The following ERBB2 variants were observed in gnomAD, a reference collection of about 807,000 sequenced individuals.
The protein encoded by ERBB2 is erb-b2 receptor tyrosine kinase 2.
ERBB2 carries 61 observed loss-of-function variants against 149.0 expected under a neutral mutation model. The ratio of observed to expected loss-of-function variants is 0.41; its 90% CI spans 0.33 to 0.51. The LOEUF (loss-of-function observed/expected upper bound fraction) is 0.51, where lower values mean the gene tolerates loss of function less well. Ranked by LOEUF, ERBB2 falls within the 20% of genes least tolerant of loss-of-function variation. The probability of loss-of-function intolerance (pLI) is 0.25; values close to 1 mark genes in which losing one functional copy is unlikely to be tolerated. For synonymous variants in ERBB2, 633 were observed against 678.8 expected, an observed-to-expected ratio of 0.93 and a Z score of 1.05; for missense variants, 1,205 against 1,655.1, an observed-to-expected ratio of 0.73 and a Z score of 4.72.
intron 7 of ERBB2, among the ~76,000 whole-genome samples, chr17:39,711,094 T>C (rs1208403440): frequency 6.6e-6 from 1 of 152,138 alleles, no homozygotes; most frequent in African/African-American, 2.4e-5. Context: ...GAGACAGGGT[T>C]TCACCACGTT....
chr17:39,708,786 A>ACATAC (rs2058617481), intron 3 of ERBB2, among the ~76,000 whole-genome samples: 1 of 152,184 alleles, frequency 6.6e-6, no homozygotes, highest in Admixed American at 6.5e-5. Context: ...TGGCTGAGTG[A>ACATAC]AGTGTACAGT....
chr17:39,706,722 C>T (rs1015189538), intron 1 of ERBB2: 7 of 341,438 alleles, frequency 2.1e-5, no homozygotes, highest in African/African-American at 1.5e-4. Flanking sequence ...GCGAGCTCCC[C>T]AGGGCTGGCA....
At chr17:39,711,571 C>G (rs2058799892) in intron 7 of ERBB2, among the ~76,000 whole-genome samples, 1 of 152,210 alleles carries the variant, frequency 6.6e-6, no homozygotes, top group African/African-American at 2.4e-5. Flanking sequence ...AACCTCTTTC[C>G]TCCTCTCACA....
In ERBB2 at chr17:39,725,330, C is replaced by T. The variant is rs2059691747; in HGVS notation, c.2653C>T (p.Pro885Ser). Reference sequence around the variant, plus strand: ...ACTTCCTCTTCTGCCCTCCCAGGTGCCCATCAAGTGGATGGCGCTGGAGTC... The same window carrying T: ...ACTTCCTCTTCTGCCCTCCCAGGTGTCCATCAAGTGGATGGCGCTGGAGTC... ...TEYHADGGKV[P>S]IKWMALESIL... is the part of the protein sequence containing the mutation. The change falls in exon 22 of 27, where the codon CCC becomes TCC. Residue 885 changes from proline to serine, a missense_variant. Pro to Ser is a moderately conservative substitution (Grantham distance 74). Coordinates refer to ENST00000269571, the MANE Select transcript of ERBB2 (RefSeq NM_004448.4). This position sits in a 1 kb window ranked among gnomAD's most constrained non-coding sequence, Gnocchi z 4.6. The T allele has an allele frequency of 2.5e-6, 4 of 1,613,968 alleles. No homozygotes were observed. The highest frequency in any genetic ancestry group is 3.4e-6 in the Non-Finnish European group (4 of 1,179,966).
At chr17:39,701,889 C>CA (rs1230301906) in intron 1 of ERBB2, among the ~76,000 whole-genome samples, 1 of 152,170 alleles carries the variant, frequency 6.6e-6, no homozygotes, top group Non-Finnish European at 1.5e-5. Context: ...CAAGCATCTT[C>CA]ACCTCTCATC....
At chr17:39,716,008 C>A (rs2145665027) in intron 12 of ERBB2, 69 bp downstream of exon 12, 1 of 1,457,586 alleles carries the variant, frequency 6.9e-7, no homozygotes, top group Non-Finnish European at 9.4e-7. Context: ...GGGGCCCTGG[C>A]AGCAGCGTTC....
Position 39,710,358 on chromosome 17 carries a change from C to T in ERBB2, c.778C>T (p.His260Tyr), listed in dbSNP as rs762919589. The T allele has an allele frequency of 6.2e-7, 1 of 1,614,096 alleles. No homozygotes were observed. The highest frequency in any genetic ancestry group is 1.3e-5 in the African/African-American group (1 of 74,954). Reference sequence around the variant, plus strand: ...CCCCCAGGCCTGCCTCCACTTCAACCACAGTGGCATCTGTGAGCTGCACTG... The same window carrying T: ...CCCCCAGGCCTGCCTCCACTTCAACTACAGTGGCATCTGTGAGCTGCACTG... ...SDCLACLHFN[H>Y]SGICELHCPA... Residue 260 changes from histidine to tyrosine, a missense_variant, in exon 7 of 27, where the codon CAC becomes TAC. Physicochemically the swap from His to Tyr is moderately conservative, Grantham distance 83. This residue lies in a region of ERBB2 where 569 missense variants were observed against 803.5 expected (regional missense o/e 0.71). Transcript: ENST00000269571.
chr17:39,701,295 C>T (rs1298812206), intron 1 of ERBB2, among the ~76,000 whole-genome samples: 1 of 151,994 alleles, frequency 6.6e-6, no homozygotes, highest in Non-Finnish European at 1.5e-5. Context: ...CCTAGAACAC[C>T]CCTATAGTGG....
At chr17:39,716,782 T>C (rs1163685739) in intron 14 of ERBB2, among the ~76,000 whole-genome samples, 177 bp downstream of exon 14, 9 of 152,054 alleles carry the variant, frequency 5.9e-5, no homozygotes, top group Non-Finnish European at 1.3e-4. Flanking sequence ...TGGGGGACAC[T>C]GGGGCCCTTC....
chr17:39,699,633 G>T (rs552401513), upstream of ERBB2: 1 of 1,144,066 alleles, frequency 8.7e-7, no homozygotes, highest in Non-Finnish European at 1.3e-6. Flanking sequence ...TTTACTAGAG[G>T]ATGTGGTGGG....
In ERBB2 at chr17:39,724,272, A is replaced by ATTTTTTTTTTTTTTGTTTTTT. The variant is rs2059618103; in HGVS notation, c.2307+276_2307+277insGTTTTTTTTTTTTTTTTTTTT. ...TAGCTGGGATTACAAGCGCCCGCTA[A>ATTTTTTTTTTTTTTGTTTTTT]TTTTTTTTTTTTTTTTGAGACAGAG... On this transcript the variant is annotated intron_variant, in intron 19 of 26. Transcript: ENST00000269571. Among the ~76,000 whole-genome samples, 2 of 77,016 alleles carry ATTTTTTTTTTTTTTGTTTTTT rather than the reference A, an allele frequency of 2.6e-5. 1 individual carries two copies. Among genetic ancestry groups the ATTTTTTTTTTTTTTGTTTTTT allele is most frequent in the Non-Finnish European group, 5.4e-5 (2 of 37,238 alleles). 50.5% of individuals were successfully genotyped at this position (77,016 alleles called of 152,430 possible).
rs1012358266 is a variant in ERBB2 at position 39,727,248 on chromosome 17, C to T, written c.3160-47C>T. The T allele has an allele frequency of 3.7e-6, 6 of 1,605,854 alleles. No individual in the cohort carries two copies. The Admixed American group carries it at 1.0e-4, about 28-fold the overall frequency. The stretch of plus-strand genomic sequence containing the variant: ...TGTCACCTTCCATGGAGTCCCCATC[C>T]CAGATCCGTGAGTGACCCCCATCAT... On this transcript the variant is annotated intron_variant, in intron 25 of 26. Transcript: ENST00000269571. The surrounding 1 kb of genome is among the most constrained non-coding windows in gnomAD (Gnocchi z 4.3).
chr17:39,707,245 T>G (rs1296914139), intron 2 of ERBB2, 104 bp downstream of exon 2: 1 of 1,042,440 alleles, frequency 9.6e-7, no homozygotes, highest in Non-Finnish European at 1.3e-6. Context: ...CTGTTTCCTC[T>G]CTTGTTGTGG....
upstream of ERBB2, chr17:39,688,101 A>G (rs563212698): frequency 3.4e-6 from 4 of 1,193,388 alleles, no homozygotes; most frequent in Admixed American, 8.0e-5. Flanking sequence ...TGTGTTCTTT[A>G]TTCTACTCTC....
rs201353217 is a variant in ERBB2 at position 39,727,889 on chromosome 17, C to T, written c.3613C>T (p.Pro1205Ser). ...CTTGACACCCCAGGGAGGAGCTGCCCCTCAGCCCCACCCTCCTCCTGCCTT... is the reference window on the plus strand; with the variant it reads ...CTTGACACCCCAGGGAGGAGCTGCCTCTCAGCCCCACCCTCCTCCTGCCTT... ...EYLTPQGGAA[P>S]QPHPPPAFSP... Residue 1205 changes from proline (P) to serine (S), a missense_variant, in exon 27 of 27, where the codon CCT becomes TCT. By Grantham distance (74) the Pro-to-Ser change is moderately conservative. Coordinates refer to ENST00000269571, the MANE Select transcript of ERBB2 (RefSeq NM_004448.4). The surrounding 1 kb of genome is among the most constrained non-coding windows in gnomAD (Gnocchi z 4.3). 98 of 1,614,002 alleles carry T rather than the reference C, an allele frequency of 6.1e-5. No homozygotes were observed. Among genetic ancestry groups the T allele is most frequent in the Non-Finnish European group, 7.7e-5 (91 of 1,180,014 alleles).
upstream of ERBB2, among the ~76,000 whole-genome samples, chr17:39,690,496 G>A (rs2057671926): frequency 6.6e-6 from 1 of 152,168 alleles, no homozygotes. Context: ...CATACCTGAT[G>A]GAAAAAGCAA....
Position 39,723,765 on chromosome 17 carries a change from T to C in ERBB2, c.2208+105T>C, listed in dbSNP as rs1201198258. The stretch of plus-strand genomic sequence containing the variant: ...GAGGGGCAAGAGCTGGAGGCAGTGT[T>C]TGGGGGAGGGCAGTTACAGCGGAGA... On this transcript the variant is annotated intron_variant, in intron 18 of 26. Coordinates refer to ENST00000269571, the MANE Select transcript of ERBB2 (RefSeq NM_004448.4). The surrounding 1 kb of genome is among the most constrained non-coding windows in gnomAD (Gnocchi z 6.2). The C allele has an allele frequency of 1.0e-5, 16 of 1,524,084 alleles. No individual in the cohort carries two copies. The highest frequency in any genetic ancestry group is 2.4e-5 in the East Asian group (1 of 42,068). The allele number at this position is 1,524,084 out of a possible 1,614,324, so 94.4% of individuals were successfully genotyped here.
At chr17:39,712,484 G>C (rs75051248) in intron 9 of ERBB2, 36 bp downstream of exon 9, 1 of 1,608,362 alleles carries the variant, frequency 6.2e-7, no homozygotes, top group Non-Finnish European at 8.5e-7. Flanking sequence ...ACAGTGTCAG[G>C]GCAGACAGAG....
chr17:39,702,035 C>T (rs1217351234), intron 1 of ERBB2, among the ~76,000 whole-genome samples: 1 of 152,144 alleles, frequency 6.6e-6, no homozygotes, highest in African/African-American at 2.4e-5. Flanking sequence ...TGGATGGGGC[C>T]TCCTCATGTC....
Sources: gnomAD v4.1 joint callset for allele counts (sites outside exome capture counted in the v4.1 genomes callset) on GRCh38, gnomAD v4.1.1 for gene constraint, gnomAD v4.1.1 regional missense constraint, Gnocchi (gnomAD v3.1) non-coding constraint, MANE v1.5 for transcripts, NCBI Gene and HGNC (gene_info 2026-07-23, HGNC 2026-07-21) for gene names.